Variants in ZNF516 observed in about 807,000 individuals in gnomAD.
The protein encoded by ZNF516 is zinc finger protein 516.
ZNF516 carries 19 observed loss-of-function variants against 79.7 expected under a neutral mutation model. The observed-to-expected ratio is 0.24, with a 90% confidence interval of 0.17 to 0.35. The LOEUF is 0.35. ZNF516 is among the 10% of genes least tolerant of loss of function. The probability of loss-of-function intolerance (pLI) is 1.00; values close to 1 mark genes in which losing one functional copy is unlikely to be tolerated. For missense variants in ZNF516, 1,678 were observed against 1,679.5 expected, an observed-to-expected ratio of 1.00 and a Z score of 0.02; for synonymous variants, 877 against 739.5, an observed-to-expected ratio of 1.19 and a Z score of -3.02.
chr18:76,367,118 T>G (rs1269225004), intron 6 of ZNF516, among the ~76,000 whole-genome samples: 3 of 152,170 alleles, frequency 2.0e-5, no homozygotes, highest in Non-Finnish European at 4.4e-5. Flanking sequence ...TTTATCCTGC[T>G]CCTCCTTCCA....
intron 1 of ZNF516, among the ~76,000 whole-genome samples, chr18:76,472,194 G>A (rs1032552237): frequency 2.6e-5 from 4 of 152,138 alleles, no homozygotes; most frequent in African/African-American, 9.7e-5. Context: ...TTGGCTGAGG[G>A]ACCCTCCACA....
chr18:76,473,916 G>GGGA (rs1568322785), intron 1 of ZNF516, among the ~76,000 whole-genome samples: 7 of 128,274 alleles, frequency 5.5e-5, no homozygotes, highest in Non-Finnish European at 8.5e-5. Context: ...GGGGGGGGGG[G>GGGA]GCTTTCTTTT....
intron 1 of ZNF516, among the ~76,000 whole-genome samples, chr18:76,469,326 T>C (rs564866023): frequency 6.6e-6 from 1 of 152,358 alleles, no homozygotes. Flanking sequence ...GCCACACTCA[T>C]TATATCTTTA....
intron 1 of ZNF516, among the ~76,000 whole-genome samples, chr18:76,471,132 A>C (rs1913810791): frequency 6.6e-6 from 1 of 152,212 alleles, no homozygotes; most frequent in Non-Finnish European, 1.5e-5. Flanking sequence ...AGAAACAAGA[A>C]ACACAGATAA....
chr18:76,436,756 T>C (rs888476309), intron 3 of ZNF516, among the ~76,000 whole-genome samples: 3 of 151,870 alleles, frequency 2.0e-5, no homozygotes, highest in African/African-American at 7.3e-5. Flanking sequence ...TCACCCTCAA[T>C]CCTGTTTCAA....
chr18:76,449,995 C>T (rs1912293746), intron 2 of ZNF516, among the ~76,000 whole-genome samples: 1 of 152,100 alleles, frequency 6.6e-6, no homozygotes, highest in South Asian at 2.1e-4. Context: ...GAAATTAAAC[C>T]TCAATATGGA....
At chr18:76,385,681 C>T (rs1381821044) in intron 3 of ZNF516, 2 of 152,228 alleles carry the variant, frequency 1.3e-5, no homozygotes, top group Non-Finnish European at 2.9e-5. Flanking sequence ...TGCTGGCTGT[C>T]ACTCCAGGAG....
rs977823349 is a variant in ZNF516, at chr18:76,459,901, G to A, written c.-158+3127C>T. 4.6e-5 allele frequency among the ~76,000 whole-genome samples: 7 copies of A among 152,196 alleles called. No individual in the cohort carries two copies. Among genetic ancestry groups the A allele is most frequent in the Admixed American group, 3.9e-4 (6 of 15,278 alleles). ...AGGAAACGCCGGGTGGGGTCTTTAC[G>A]TAGGCAGCCTCCTTGGCATCGGGCA... is the stretch of plus-strand genomic sequence containing the variant. On this transcript the variant is annotated intron_variant, in intron 2 of 6. Transcript: ENST00000443185. This position sits in a 1 kb window ranked among gnomAD's most constrained non-coding sequence, Gnocchi z 5.0.
At chr18:76,466,448 C>T (rs1172930950) in intron 1 of ZNF516, among the ~76,000 whole-genome samples, 5 of 152,248 alleles carry the variant, frequency 3.3e-5, no homozygotes, top group African/African-American at 1.2e-4. Flanking sequence ...CGGAGGCCGA[C>T]GCTCTGCACG....
chr18:76,463,767 T>TG (rs1375092659), intron 1 of ZNF516, among the ~76,000 whole-genome samples: 1 of 152,206 alleles, frequency 6.6e-6, no homozygotes, highest in African/African-American at 2.4e-5. Context: ...TTTCAGGGTG[T>TG]GGCACAGCTC....
intron 1 of ZNF516, among the ~76,000 whole-genome samples, chr18:76,483,903 G>A (rs1914678300): frequency 6.6e-6 from 1 of 152,196 alleles, no homozygotes; most frequent in Admixed American, 6.5e-5. Context: ...AGCAGCCTCA[G>A]ACAGCAACAA....
intron 4 of ZNF516, among the ~76,000 whole-genome samples, chr18:76,378,472 G>A (rs188487591): frequency 3.3e-4 from 51 of 152,248 alleles, no homozygotes; most frequent in Non-Finnish European, 5.1e-4. Flanking sequence ...GAACATCTAC[G>A]GATTCTGTTT....
In ZNF516 at chr18:76,451,910, T is replaced by C. The variant is rs959877623; in HGVS notation, c.-157-8699A>G. 6.6e-6 allele frequency among the ~76,000 whole-genome samples: 1 copy of C among 152,216 alleles called. No homozygotes were observed. The highest frequency in any genetic ancestry group is 1.5e-5 in the Non-Finnish European group (1 of 68,042). On this transcript the variant is annotated intron_variant, in intron 2 of 6. Coordinates refer to ENST00000443185, the MANE Select transcript of ZNF516 (RefSeq NM_014643.4). The surrounding 1 kb of genome is among the most constrained non-coding windows in gnomAD (Gnocchi z 6.0). ...TACACCAGTAACAATTACAGGCTTA[T>C]AGTCCCCAGACTGGGGTCCCGAAGA...
intron 3 of ZNF516, among the ~76,000 whole-genome samples, chr18:76,392,272 G>A (rs756165198): frequency 2.6e-5 from 4 of 152,214 alleles, no homozygotes; most frequent in Non-Finnish European, 5.9e-5. Context: ...TTCCTAAATA[G>A]ATGTAAGACC....
chr18:76,415,612 G>C lies in ZNF516; in HGVS notation c.1810+25633C>G, dbSNP rs1436553776. 3.3e-5 allele frequency among the ~76,000 whole-genome samples: 5 copies of C among 152,166 alleles called. No homozygotes were observed. In the East Asian group the frequency reaches 7.7e-4, roughly 23 times the overall value. On this transcript the variant is annotated intron_variant, in intron 3 of 6. Coordinates refer to ENST00000443185, the MANE Select transcript of ZNF516 (RefSeq NM_014643.4). ...TGCAACGGCTGCAGTGGAGGAGTCGGGGTTCTCGGGGAAACAGCCGTGGAA... is the reference window on the plus strand; with the variant it reads ...TGCAACGGCTGCAGTGGAGGAGTCGCGGTTCTCGGGGAAACAGCCGTGGAA...
At chr18:76,400,755 A>T (rs147958858) in intron 3 of ZNF516, among the ~76,000 whole-genome samples, 1 of 152,230 alleles carries the variant, frequency 6.6e-6, no homozygotes, top group Non-Finnish European at 1.5e-5. Flanking sequence ...CAGAGTTCAA[A>T]CTATTATGTA....
upstream of ZNF516, chr18:76,496,298 T>A: frequency 7.8e-7 from 1 of 1,289,590 alleles, no homozygotes; most frequent in Non-Finnish European, 1.0e-6. Context: ...CGTATTGTTC[T>A]CCTTCTCCTC....
chr18:76,446,437 G>A (rs1179571968), intron 2 of ZNF516, among the ~76,000 whole-genome samples: 10 of 152,152 alleles, frequency 6.6e-5, no homozygotes, highest in Admixed American at 2.0e-4. Context: ...GCACAGCCTC[G>A]GCATCCTGGG....
At chr18:76,424,634 C>T (rs1215129266) in intron 3 of ZNF516, among the ~76,000 whole-genome samples, 2 of 117,972 alleles carry the variant, frequency 1.7e-5, no homozygotes, top group Admixed American at 8.7e-5. Flanking sequence ...AAGGCTCCCC[C>T]GAAACACACG....
Sources: gnomAD v4.1 joint callset for allele counts (sites outside exome capture counted in the v4.1 genomes callset) on GRCh38, gnomAD v4.1.1 for gene constraint, Gnocchi (gnomAD v3.1) non-coding constraint, MANE v1.5 for transcripts, NCBI Gene and HGNC (gene_info 2026-07-23, HGNC 2026-07-21) for gene names.